MTCL1: variants seen among roughly 807,000 people sequenced by gnomAD.
The protein encoded by MTCL1 is microtubule cross-linking factor 1.
MTCL1 carries 79 observed loss-of-function variants against 141.4 expected under a neutral mutation model. That is an observed-to-expected ratio of 0.56 (90% CI 0.47 to 0.67). MTCL1 has a LOEUF of 0.67. Ranked by LOEUF, MTCL1 falls within the 30% of genes least tolerant of loss-of-function variation. The pLI is 0.00. For missense variants in MTCL1, 2,177 were observed against 2,113.9 expected (o/e 1.03, Z -0.59); for synonymous variants, 914 against 875.8 (o/e 1.04, Z -0.77).
At position 8,720,422 on chromosome 18, in the gene MTCL1, A is replaced by G. The variant is rs2096162225; in HGVS notation, c.283A>G (p.Thr95Ala). ...CGCTAAAGCTGAGGATGAAAACGAA[A>G]CTCTCCGACAGCAGATGATTGAAGT... Residue 95 changes from threonine (T) to alanine (A), a missense_variant, in exon 4 of 17, where the codon ACT becomes GCT. By Grantham distance (58) the Thr-to-Ala change is moderately conservative (BLOSUM62 0). Coordinates refer to ENST00000359865, the Ensembl canonical transcript of MTCL1. 4 of 1,613,644 alleles carry G rather than the reference A, an allele frequency of 2.5e-6. No individual in the cohort carries two copies. The African/African-American group carries it at 4.0e-5, about 16-fold the overall frequency.
At chr18:8,761,677 C>T (rs1320280191) in intron 4 of MTCL1, among the ~76,000 whole-genome samples, 1 of 152,180 alleles carries the variant, frequency 6.6e-6, no homozygotes, top group Non-Finnish European at 1.5e-5. Flanking sequence ...GCTGGGGAGA[C>T]CTTACAATCA....
chr18:8,718,388 C>T (rs1204102674), intron 2 of MTCL1, 36 bp from the exon 2 acceptor site: 2 of 1,594,432 alleles, frequency 1.3e-6, no homozygotes, highest in South Asian at 2.2e-5. Flanking sequence ...TTTTGATGTA[C>T]TTGGCTCATA....
rs200311053 is a variant in MTCL1, at chr18:8,786,112, C to CA, written c.1887+21_1887+22insA. ...TGGAGGTCAGCGTGGGCAAGCAATC[C>CA]CCCCCCCCCGCCCTCCCCCTCCTTT... is the stretch of plus-strand genomic sequence containing the variant. On this transcript the variant is annotated intron_variant, in intron 7 of 16. Coordinates refer to ENST00000359865, the Ensembl canonical transcript of MTCL1. The CA allele has an allele frequency of 6.6e-4, 900 of 1,362,956 alleles. 8 individuals are homozygous for CA. Among genetic ancestry groups the CA allele is most frequent in the Non-Finnish European group, 5.5e-4 (576 of 1,043,200 alleles). 84.4% of individuals were successfully genotyped at this position (1,362,956 alleles called of 1,614,324 possible).
intron 1 of MTCL1, among the ~76,000 whole-genome samples, chr18:8,707,923 CTTGTGGTTATTTTACT>C (rs1012125754): frequency 1.3e-5 from 2 of 152,132 alleles, no homozygotes; most frequent in African/African-American, 4.8e-5. Context: ...CCAACTGAGC[CTTGTGGTTATTTTACT>C]TTGTGCAAGA....
chr18:8,737,770 C>T (rs761653622), intron 4 of MTCL1, among the ~76,000 whole-genome samples: 2 of 152,124 alleles, frequency 1.3e-5, no homozygotes, highest in South Asian at 2.1e-4. Flanking sequence ...GAACTGGGGT[C>T]GTGCGGGGCT....
chr18:8,795,674 T>C (rs751093621), intron 8 of MTCL1, among the ~76,000 whole-genome samples: 8 of 152,224 alleles, frequency 5.3e-5, no homozygotes, highest in Non-Finnish European at 8.8e-5. Flanking sequence ...CTTTTCTGTT[T>C]CCTGGCTGTT....
In MTCL1 at chr18:8,717,848, A is replaced by G. The variant is rs2096139824; in HGVS notation, c.-86-56A>G. The G allele has an allele frequency of 8.2e-6, 8 of 973,404 alleles. No individual in the cohort carries two copies. The South Asian group carries it at 3.8e-4, about 46-fold the overall frequency. The allele number at this position is 973,404 out of a possible 1,614,324, so 60.3% of individuals were successfully genotyped here. The stretch of plus-strand genomic sequence containing the variant: ...GGGAAAGTCAGAATAGGTGAATGGG[A>G]AAAAACAGACCCAATGTGTATTTAA... On this transcript the variant is annotated intron_variant, in intron 1 of 16. Coordinates refer to ENST00000359865, the Ensembl canonical transcript of MTCL1.
intron 16 of MTCL1, chr18:8,829,341 C>G: frequency 3.0e-6 from 3 of 985,358 alleles, no homozygotes; most frequent in Non-Finnish European, 3.6e-6. Context: ...CAGGACTGGT[C>G]AACATTTTGG....
intron 16 of MTCL1, 58 bp from the exon 15 acceptor site, chr18:8,831,549 C>T: frequency 6.5e-7 from 1 of 1,532,948 alleles, no homozygotes; most frequent in Non-Finnish European, 8.8e-7. Flanking sequence ...TTGGGGGAAT[C>T]ATCCACTGGT....
At position 8,830,670 on chromosome 18, in the gene MTCL1, G is replaced by C; in HGVS notation, c.*19-937G>C. 2.0e-6 allele frequency: 2 copies of C among 985,446 alleles called. No homozygotes were observed. Among genetic ancestry groups the C allele is most frequent in the Non-Finnish European group, 2.4e-6 (2 of 829,970 alleles). The allele number at this position is 985,446 out of a possible 1,614,324, so 61.0% of individuals were successfully genotyped here. A position where few individuals can be genotyped will look rare whatever the true frequency, so the allele number is the denominator to read the frequency against. The stretch of plus-strand genomic sequence containing the variant: ...TCATCCTTCCTGTGCCTTCCATTCA[G>C]TTCACCTCAAGCTTCCAGTGTCTGA... On this transcript the variant is annotated intron_variant, in intron 16 of 16. Coordinates refer to ENST00000359865, the Ensembl canonical transcript of MTCL1. The surrounding 1 kb of genome is among the most constrained non-coding windows in gnomAD (Gnocchi z 6.4).
chr18:8,707,853 A>G (rs1167641257), intron 1 of MTCL1, among the ~76,000 whole-genome samples: 4 of 152,190 alleles, frequency 2.6e-5, no homozygotes, highest in African/African-American at 9.7e-5. Context: ...TCACACGGAA[A>G]TCAGAGCACA....
rs1161861656 is a variant in MTCL1, at chr18:8,755,426, G to A, written c.358-22407G>A. ...GTGGCGAGGTCGTTCTTTGGCCCCA[G>A]TCTTGCAGCGTGTGTGAGTGTTACT... On this transcript the variant is annotated intron_variant, in intron 4 of 16. Coordinates refer to ENST00000359865, the Ensembl canonical transcript of MTCL1. Among the ~76,000 whole-genome samples, 4 of 152,348 alleles carry A rather than the reference G, an allele frequency of 2.6e-5. No individual in the cohort carries two copies. The South Asian group carries it at 8.3e-4, about 32-fold the overall frequency.
chr18:8,827,130 A>T (rs1470040473), intron 15 of MTCL1, among the ~76,000 whole-genome samples: 5 of 152,210 alleles, frequency 3.3e-5, no homozygotes, highest in Admixed American at 2.6e-4. Context: ...ACCTGGCCCC[A>T]TGAGCACTCT....
intron 12 of MTCL1, among the ~76,000 whole-genome samples, chr18:8,816,720 A>C (rs1384502684): frequency 6.6e-6 from 1 of 151,460 alleles, no homozygotes; most frequent in East Asian, 1.9e-4. Flanking sequence ...AACCTGTTAC[A>C]AAGTGGCCTT....
At chr18:8,726,391 G>A (rs1027540625) in intron 4 of MTCL1, among the ~76,000 whole-genome samples, 2 of 149,586 alleles carry the variant, frequency 1.3e-5, no homozygotes, top group African/African-American at 4.9e-5. Flanking sequence ...GGTTCCTGGC[G>A]AGAGCCCTCT....
intron 4 of MTCL1, among the ~76,000 whole-genome samples, chr18:8,723,908 C>T (rs484325): frequency 0.41 from 61,722 of 151,838 alleles, 13,439 homozygotes; most frequent in Admixed American, 0.53. Flanking sequence ...ACATACTGTT[C>T]GATTCCATTG....
rs1169061913 is a variant in MTCL1, at chr18:8,786,703, G to C, written c.1887+612G>C. 1.7e-5 allele frequency: 4 copies of C among 240,268 alleles called. No individual in the cohort carries two copies. The East Asian group carries it at 2.7e-4, about 16-fold the overall frequency. The allele number at this position is 240,268 out of a possible 1,614,324, so 14.9% of individuals were successfully genotyped here. ...GGAAGAGTGAAAGCTCTTAGATGCG[G>C]GTCACCCGACCCGGGACAGAAAGAG... On this transcript the variant is annotated intron_variant, in intron 7 of 16. Transcript: ENST00000359865.
At position 8,784,851 on chromosome 18, in the gene MTCL1, G is replaced by A. The variant is rs756209580; in HGVS notation, c.1731+8G>A. 5 of 1,569,338 alleles carry A rather than the reference G, an allele frequency of 3.2e-6. No homozygotes were observed. The East Asian group carries it at 1.1e-4, about 35-fold the overall frequency. On this transcript the variant is annotated splice_region_variant and intron_variant, in intron 6 of 16. Transcript: ENST00000359865. ...CTGGGCCCAGACTTGCAGGTAAGGG[G>A]GCTCGTGGCTTCGCCTCCCTGCTCC... is the stretch of plus-strand genomic sequence containing the variant.
upstream of MTCL1, among the ~76,000 whole-genome samples, chr18:8,716,798 G>C (rs1398456737): frequency 1.3e-5 from 2 of 152,032 alleles, no homozygotes; most frequent in Admixed American, 1.3e-4. Flanking sequence ...GGGAATAACT[G>C]AGTGCATGCT....
Sources: allele counts gnomAD v4.1 joint callset (sites outside exome capture counted in the v4.1 genomes callset), GRCh38; gene constraint gnomAD v4.1.1; non-coding constraint Gnocchi (gnomAD v3.1); transcripts MANE v1.5; gene names NCBI Gene and HGNC (gene_info 2026-07-23, HGNC 2026-07-21).